The following NF1 variants were observed in gnomAD, a reference collection of about 807,000 sequenced individuals.
NF1 encodes neurofibromin.
NF1 carries 122 observed loss-of-function variants against 325.7 expected under a neutral mutation model. The ratio of observed to expected loss-of-function variants is 0.37; its 90% CI spans 0.32 to 0.44. NF1 has a LOEUF of 0.44. NF1 is among the 20% of genes least tolerant of loss of function. The pLI is 1.00. For synonymous variants in NF1, 1,091 were observed against 1,186.0 expected (o/e 0.92, Z 1.65); for missense variants, 2,140 against 3,415.4 (o/e 0.63, Z 9.31).
chr17:31,096,833 A>G (rs951246662), intron 1 of NF1, among the ~76,000 whole-genome samples: 3 of 152,246 alleles, frequency 2.0e-5, no homozygotes, highest in African/African-American at 7.2e-5. Flanking sequence ...TTCCAGACCC[A>G]AAGGCATCTA....
intron 8 of NF1, among the ~76,000 whole-genome samples, chr17:31,186,139 C>T (rs919942855): frequency 2.6e-5 from 4 of 152,012 alleles, no homozygotes; most frequent in East Asian, 1.9e-4. Context: ...CATACACGAT[C>T]GGGCTCAAGC....
chr17:31,285,901 G>T (rs1180866465), intron 36 of NF1, among the ~76,000 whole-genome samples: 1 of 152,044 alleles, frequency 6.6e-6, no homozygotes, highest in Non-Finnish European at 1.5e-5. Flanking sequence ...CAGTAACGAT[G>T]GTATCATTGG....
chr17:31,272,846 A>C (rs1250651027), intron 36 of NF1: 1 of 152,220 alleles, frequency 6.6e-6, no homozygotes, highest in African/African-American at 2.4e-5. Flanking sequence ...TGTGTTTATC[A>C]GTACATTTGT....
intron 36 of NF1, chr17:31,317,947 A>G (rs1275070212): frequency 4.7e-6 from 1 of 213,274 alleles, no homozygotes; most frequent in Non-Finnish European, 9.4e-6. Context: ...AAAACTATTC[A>G]AAGTTTAATT....
At chr17:31,351,823 T>G (rs1451272473) in intron 50 of NF1, among the ~76,000 whole-genome samples, 2 of 152,290 alleles carry the variant, frequency 1.3e-5, no homozygotes, top group Non-Finnish European at 2.9e-5. Flanking sequence ...CAACACAAAT[T>G]TGTAAACTTT....
chr17:31,161,527 C>T (rs2065760288), intron 3 of NF1, among the ~76,000 whole-genome samples: 1 of 152,206 alleles, frequency 6.6e-6, no homozygotes, highest in South Asian at 2.1e-4. Flanking sequence ...AGCATACCTA[C>T]AGGATAGCTT....
At chr17:31,214,934 CA>C (rs1000708763) in intron 13 of NF1, among the ~76,000 whole-genome samples, 2 of 152,102 alleles carry the variant, frequency 1.3e-5, no homozygotes, top group African/African-American at 4.8e-5. Flanking sequence ...CCATCGATCA[CA>C]GTGTCTACAT....
intron 13 of NF1, 23 bp downstream of exon 13, chr17:31,214,608 T>C (rs2066788719): frequency 1.2e-6 from 2 of 1,611,074 alleles, no homozygotes; most frequent in East Asian, 4.5e-5. Context: ...TTATGAAATG[T>C]CTCAAAATTA....
At chr17:31,273,314 T>TAACAAC (rs372009736) in intron 36 of NF1, among the ~76,000 whole-genome samples, 12 of 152,038 alleles carry the variant, frequency 7.9e-5, no homozygotes, top group Non-Finnish European at 1.8e-4. Context: ...TTTTCTTCAT[T>TAACAAC]AACAACAACA....
intron 12 of NF1, among the ~76,000 whole-genome samples, chr17:31,213,883 A>T (rs1467793550): frequency 2.0e-5 from 3 of 152,184 alleles, no homozygotes; most frequent in Admixed American, 6.5e-5. Context: ...TACATGTTTC[A>T]TTAATTCTAA....
At chr17:31,215,609 CTAT>C (rs1252809991) in intron 13 of NF1, among the ~76,000 whole-genome samples, 1 of 152,122 alleles carries the variant, frequency 6.6e-6, no homozygotes, top group African/African-American at 2.4e-5. Flanking sequence ...TAAATGTTAG[CTAT>C]TATTGCTATT....
chr17:31,314,339 G>A (rs748366805), intron 36 of NF1: 7 of 210,532 alleles, frequency 3.3e-5, no homozygotes, highest in Non-Finnish European at 5.6e-5. Flanking sequence ...CATGTTCTAA[G>A]AAGAAAAGCT....
intron 57 of NF1, chr17:31,361,327 T>C (rs2070395598): frequency 1.3e-5 from 2 of 152,676 alleles, no homozygotes; most frequent in Non-Finnish European, 2.9e-5. Flanking sequence ...TAATAGCTAA[T>C]AGCTCCAGTG....
At chr17:31,154,035 G>C (rs1437961046) in intron 1 of NF1, among the ~76,000 whole-genome samples, 1 of 146,466 alleles carries the variant, frequency 6.8e-6, no homozygotes, top group African/African-American at 2.5e-5. Flanking sequence ...TTTTACTAGA[G>C]AAGTTCTAGT....
At chr17:31,141,680 A>G (rs532615930) in intron 1 of NF1, among the ~76,000 whole-genome samples, 4 of 152,298 alleles carry the variant, frequency 2.6e-5, no homozygotes, top group Admixed American at 6.5e-5. Flanking sequence ...CACAGTTTCT[A>G]TGGGTCAGGA....
intron 57 of NF1, among the ~76,000 whole-genome samples, chr17:31,364,173 A>C (rs987623605): frequency 1.3e-5 from 2 of 152,170 alleles, no homozygotes; most frequent in Non-Finnish European, 2.9e-5. Context: ...CCTTATCTCC[A>C]TTCCCAGCAG....
intron 12 of NF1, among the ~76,000 whole-genome samples, chr17:31,207,910 G>C (rs2066652554): frequency 6.6e-6 from 1 of 152,050 alleles, no homozygotes; most frequent in African/African-American, 2.4e-5. Flanking sequence ...GACTTGTTGG[G>C]GGGTTAATAT....
chr17:31,333,941 T>C (rs988171208), intron 39 of NF1, among the ~76,000 whole-genome samples: 1 of 152,228 alleles, frequency 6.6e-6, no homozygotes, highest in Non-Finnish European at 1.5e-5. Context: ...AATGTGAAGC[T>C]TTTTCAAGTA....
At chr17:31,230,799 A>G (rs2151432257) in intron 23 of NF1, 43 bp from the exon 24 acceptor site, 1 of 1,470,500 alleles carries the variant, frequency 6.8e-7, no homozygotes, top group Non-Finnish European at 9.5e-7. Context: ...GTGTGGCTTC[A>G]AAAACATTGT....
Sources: gnomAD v4.1 joint callset for allele counts (sites outside exome capture counted in the v4.1 genomes callset) on GRCh38, gnomAD v4.1.1 for gene constraint, MANE v1.5 for transcripts, NCBI Gene and HGNC (gene_info 2026-07-23, HGNC 2026-07-21) for gene names.